MYCBP2: variants seen among roughly 807,000 people sequenced by gnomAD.
MYCBP2 encodes E3 ubiquitin-protein ligase MYCBP2.
In MYCBP2, 120 loss-of-function variants were observed where a neutral mutation model predicts 525.3. The ratio of observed to expected loss-of-function variants is 0.23; its 90% CI spans 0.20 to 0.27. MYCBP2 has a LOEUF of 0.27. Ranked by LOEUF, MYCBP2 falls within the 10% of genes least tolerant of loss-of-function variation. MYCBP2 has a pLI of 1.00. For missense variants in MYCBP2, 4,149 were observed against 5,657.1 expected (o/e 0.73, Z 8.55); for synonymous variants, 1,894 against 1,955.8 (o/e 0.97, Z 0.83).
At chr13:77,055,041 A>G (rs553738498) in intron 80 of MYCBP2, among the ~76,000 whole-genome samples, 2 of 152,254 alleles carry the variant, frequency 1.3e-5, no homozygotes, top group East Asian at 3.9e-4. Flanking sequence ...AGGTGAAGGT[A>G]TAGATGTAAA....
chr13:77,261,292 T>C lies in MYCBP2; in HGVS notation c.1731A>G (p.Thr577=). ...AGAAGTGTACTATCTTTGGAGATTTTGTAATTGGTAGCTCAACCCATTTTC... is the reference window on the plus strand; with the variant it reads ...AGAAGTGTACTATCTTTGGAGATTTCGTAATTGGTAGCTCAACCCATTTTC... ...SAGKWVELPI[T]KSPKIVHFSV... is the part of the protein sequence containing the mutation. The change falls in exon 12 of 83, where the codon ACA becomes ACG. Residue 577 remains threonine, a synonymous_variant. Transcript: ENST00000544440. 2 of 1,613,764 alleles carry C rather than the reference T, an allele frequency of 1.2e-6. No homozygotes were observed. The highest frequency in any genetic ancestry group is 1.7e-6 in the Non-Finnish European group (2 of 1,179,768).
chr13:77,090,281 C>T lies in MYCBP2; in HGVS notation c.10368-18G>A. On this transcript the variant is annotated intron_variant, in intron 59 of 82. Coordinates refer to ENST00000544440, the MANE Select transcript of MYCBP2 (RefSeq NM_015057.5). Reference sequence around the variant, plus strand: ...TTTCTAAACTGTACATGGAACAATGCAACAGATACAAACTCAGAAGAGCTG... The same window carrying T: ...TTTCTAAACTGTACATGGAACAATGTAACAGATACAAACTCAGAAGAGCTG... 1 of 1,578,924 alleles carries T rather than the reference C, an allele frequency of 6.3e-7. No individual in the cohort carries two copies. The highest frequency in any genetic ancestry group is 8.6e-7 in the Non-Finnish European group (1 of 1,161,380).
chr13:77,097,565 C>G lies in MYCBP2; in HGVS notation c.9589G>C (p.Glu3197Gln). Residue 3197 changes from glutamate (E) to glutamine (Q), a missense_variant, in exon 56 of 83, where the codon GAG becomes CAG. This residue lies in a region of MYCBP2 where 653 missense variants were observed against 744.7 expected (regional missense o/e 0.88). Transcript: ENST00000544440. Reference protein sequence around the residue: ...PGSCAVLKKKECEKENKKSKK... With the variant: ...PGSCAVLKKKQCEKENKKSKK... ...GACTTCTTATTCTCTTTCTCACACT[C>G]TTTCTTTTTAAGAACTGCACAGGAA... is the stretch of plus-strand genomic sequence containing the variant. The G allele has an allele frequency of 6.2e-7, 1 of 1,613,098 alleles. No homozygotes were observed. The highest frequency in any genetic ancestry group is 8.5e-7 in the Non-Finnish European group (1 of 1,179,720).
intron 20 of MYCBP2, 28 bp downstream of exon 20, chr13:77,224,423 G>C (rs2065983358): frequency 1.4e-6 from 2 of 1,417,354 alleles, no homozygotes; most frequent in South Asian, 1.2e-5. Flanking sequence ...AATAACTCTG[G>C]ATCTTCAAAT....
chr13:77,268,757 C>T (rs554461874), intron 7 of MYCBP2, among the ~76,000 whole-genome samples: 11 of 148,946 alleles, frequency 7.4e-5, no homozygotes, highest in Admixed American at 4.7e-4. Context: ...CCAGCCTCAG[C>T]GACAAGAGCA....
At chr13:77,252,053 C>T (rs2071301924) in intron 14 of MYCBP2, among the ~76,000 whole-genome samples, 1 of 152,142 alleles carries the variant, frequency 6.6e-6, no homozygotes, top group African/African-American at 2.4e-5. Flanking sequence ...CACTTGCTAC[C>T]TTTTCCAGGC....
At position 77,098,931 on chromosome 13, in the gene MYCBP2, C is replaced by T. The variant is rs370811933; in HGVS notation, c.8223G>A (p.Ser2741=). 26 of 1,613,438 alleles carry T rather than the reference C, an allele frequency of 1.6e-5. No individual in the cohort carries two copies. The highest frequency in any genetic ancestry group is 1.1e-4 in the African/African-American group (8 of 74,956). ...KSELSSKHSR[S]LKPDGRMSRT... ...GGCTCATACGTCCATCAGGTTTAAGCGATCTGCTGTGTTTAGAGGACAGCT... is the reference window on the plus strand; with the variant it reads ...GGCTCATACGTCCATCAGGTTTAAGTGATCTGCTGTGTTTAGAGGACAGCT... Residue 2741 remains serine, a synonymous_variant, in exon 56 of 83, where the codon TCG becomes TCA. Coordinates refer to ENST00000544440, the MANE Select transcript of MYCBP2 (RefSeq NM_015057.5).
At chr13:77,089,943 C>T (rs1265157383) in intron 60 of MYCBP2, among the ~76,000 whole-genome samples, 163 bp downstream of exon 60, 1 of 152,076 alleles carries the variant, frequency 6.6e-6, no homozygotes, top group Non-Finnish European at 1.5e-5. Flanking sequence ...TAGAGATGCA[C>T]ATTTATAGCT....
At chr13:77,144,227 T>G in intron 49 of MYCBP2, 1 of 506,632 alleles carries the variant, frequency 2.0e-6, no homozygotes, top group African/African-American at 1.9e-5. Flanking sequence ...AGGGAGAGAG[T>G]CATGAGGGCT....
At chr13:77,251,875 C>A (rs73223423) in intron 14 of MYCBP2, among the ~76,000 whole-genome samples, 3,392 of 152,270 alleles carry the variant, frequency 0.022, 57 homozygotes, top group Middle Eastern at 0.075. Context: ...CATTTCTTTT[C>A]CCTCTGCTCT....
Position 77,098,839 on chromosome 13 carries a change from A to C in MYCBP2, c.8315T>G (p.Leu2772Ter). Reference protein sequence around the residue: ...ESLSASESLILKSDAAKLRSD... With the variant: ...ESLSASESLI ...CCTCAACTTTGCAGCATCAGATTTT[A>C]AGATGAGGGATTCACTAGCAGATAA... The change falls in exon 56 of 83, where the codon TTA becomes TGA. Residue 2772 changes from leucine to a stop codon, truncating the protein, a stop_gained. Coordinates refer to ENST00000544440, the MANE Select transcript of MYCBP2 (RefSeq NM_015057.5). LOFTEE classifies it high-confidence loss of function. 1 of 1,613,670 alleles carries C rather than the reference A, an allele frequency of 6.2e-7. No individual in the cohort carries two copies. Among genetic ancestry groups the C allele is most frequent in the Non-Finnish European group, 8.5e-7 (1 of 1,179,740 alleles).
chr13:77,232,644 C>G (rs2067289523), intron 18 of MYCBP2, among the ~76,000 whole-genome samples: 1 of 152,118 alleles, frequency 6.6e-6, no homozygotes, highest in Non-Finnish European at 1.5e-5. Flanking sequence ...TCTACTTAAC[C>G]CACAACCATC....
chr13:77,185,794 TCA>T (rs1183590374), intron 31 of MYCBP2, 75 bp downstream of exon 31: 2 of 1,098,022 alleles, frequency 1.8e-6, no homozygotes, highest in Non-Finnish European at 2.5e-6. Flanking sequence ...GCATAAACTC[TCA>T]GTTATCTCAA....
intron 47 of MYCBP2, among the ~76,000 whole-genome samples, 193 bp from the exon 48 acceptor site, chr13:77,146,410 C>T (rs2055561480): frequency 6.7e-6 from 1 of 150,094 alleles, no homozygotes; most frequent in African/African-American, 2.4e-5. Context: ...CAAAAGTAAA[C>T]ACCAAAACTT....
chr13:77,184,096 T>C (rs2060510063), intron 32 of MYCBP2, among the ~76,000 whole-genome samples: 1 of 152,218 alleles, frequency 6.6e-6, no homozygotes, highest in Non-Finnish European at 1.5e-5. Flanking sequence ...GTCACTGATT[T>C]TAAACCTTTC....
intron 73 of MYCBP2, among the ~76,000 whole-genome samples, chr13:77,063,844 G>T (rs1468978996): frequency 6.6e-6 from 1 of 152,112 alleles, no homozygotes; most frequent in Non-Finnish European, 1.5e-5. Flanking sequence ...GGTAGGAAAG[G>T]ATTACTGTCA....
intron 33 of MYCBP2, 34 bp downstream of exon 33, chr13:77,181,667 G>T: frequency 6.4e-7 from 1 of 1,557,596 alleles, no homozygotes; most frequent in Non-Finnish European, 8.8e-7. Flanking sequence ...GAGTTTTAGT[G>T]CCTCTGTATA....
chr13:77,061,826 A>C (rs770969533), intron 74 of MYCBP2, 36 bp from the exon 75 acceptor site: 101 of 1,536,906 alleles, frequency 6.6e-5, no homozygotes, highest in Non-Finnish European at 6.7e-5. Context: ...TTAGATTAAC[A>C]AGCAAGTCTC....
chr13:77,326,897 C>T lies in MYCBP2; in HGVS notation c.-122G>A, dbSNP rs1458111502. The T allele has an allele frequency of 3.3e-6, 3 of 922,358 alleles. No individual in the cohort carries two copies. In the African/African-American group the frequency reaches 5.3e-5, roughly 16 times the overall value. The allele number at this position is 922,358 out of a possible 1,614,324, so 57.1% of individuals were successfully genotyped here. On this transcript the variant is annotated 5_prime_UTR_variant, in exon 1 of 83. Transcript: ENST00000544440. The surrounding 1 kb of genome is among the most constrained non-coding windows in gnomAD (Gnocchi z 4.2). ...CGGCGGCGGCCTCTGGCTCCCGCAG[C>T]AGGGAGACTACAAAGACAGCGACCT...
Sources: gnomAD v4.1 joint callset for allele counts (sites outside exome capture counted in the v4.1 genomes callset) on GRCh38, gnomAD v4.1.1 for gene constraint, gnomAD v4.1.1 regional missense constraint, Gnocchi (gnomAD v3.1) non-coding constraint, MANE v1.5 for transcripts, NCBI Gene and HGNC (gene_info 2026-07-23, HGNC 2026-07-21) for gene names.